EYA2: variants seen among roughly 807,000 people sequenced by gnomAD.
EYA2 encodes EYA transcriptional coactivator and phosphatase 2.
In EYA2, 31 loss-of-function variants were observed where a neutral mutation model predicts 69.2. The observed-to-expected ratio is 0.45, with a 90% CI of 0.34 to 0.60. EYA2 has a LOEUF of 0.60. Ranked by LOEUF, EYA2 falls within the 20% of genes least tolerant of loss-of-function variation. EYA2 has a pLI of 0.02. For synonymous variants in EYA2, 257 were observed against 279.4 expected (o/e 0.92, Z 0.80); for missense variants, 622 against 701.2 (o/e 0.89, Z 1.28).
At chr20:47,184,853 C>G (rs1261320340) in intron 15 of EYA2, among the ~76,000 whole-genome samples, 1 of 152,182 alleles carries the variant, frequency 6.6e-6, no homozygotes, top group Non-Finnish European at 1.5e-5. Flanking sequence ...TTACGAGTTT[C>G]AAACACGGTT....
intron 9 of EYA2, among the ~76,000 whole-genome samples, chr20:47,108,699 G>A (rs2146536695): frequency 6.6e-6 from 1 of 152,130 alleles, no homozygotes; most frequent in Admixed American, 6.5e-5. Context: ...AGCCTCCCAA[G>A]TAGCTGAGAC....
intron 5 of EYA2, among the ~76,000 whole-genome samples, chr20:47,069,574 T>C (rs1244138646): frequency 6.6e-6 from 1 of 152,076 alleles, no homozygotes; most frequent in Non-Finnish European, 1.5e-5. Context: ...CAGAATAAAG[T>C]CCAGAAATAA....
rs1029781132 is a variant in EYA2, at chr20:47,108,242, G to T, written c.888+11074G>T. 2.0e-5 allele frequency among the ~76,000 whole-genome samples: 3 copies of T among 152,322 alleles called. No homozygotes were observed. In the East Asian group the frequency reaches 5.8e-4, roughly 29 times the overall value. On this transcript the variant is annotated intron_variant, in intron 9 of 15. Coordinates refer to ENST00000327619, the MANE Select transcript of EYA2 (RefSeq NM_005244.5). ...GAGGTGGATCCCTCATTAATGGCTT[G>T]GTGCCATTCTTGCAGGAGTGAGTGA...
chr20:46,976,630 C>G (rs1980482913), intron 1 of EYA2, among the ~76,000 whole-genome samples: 1 of 152,168 alleles, frequency 6.6e-6, no homozygotes. Context: ...CGTGATCCAC[C>G]CACCGTGGCC....
intron 1 of EYA2, among the ~76,000 whole-genome samples, chr20:46,958,538 A>G (rs1979277427): frequency 6.6e-6 from 1 of 152,230 alleles, no homozygotes; most frequent in Admixed American, 6.5e-5. Flanking sequence ...CAACTTGTCC[A>G]TGAGGAACCC....
intron 2 of EYA2, among the ~76,000 whole-genome samples, chr20:46,991,723 A>G (rs182462954): frequency 1.8e-4 from 28 of 152,224 alleles, no homozygotes; most frequent in Admixed American, 7.8e-4. Flanking sequence ...TAATCCCAGC[A>G]CTTTGGGAGG....
intron 7 of EYA2, among the ~76,000 whole-genome samples, chr20:47,088,681 G>A (rs1338487809): frequency 6.6e-6 from 1 of 152,098 alleles, no homozygotes; most frequent in Non-Finnish European, 1.5e-5. Context: ...TCTAACTCCT[G>A]GGCTCAAGCG....
At chr20:47,002,078 T>G (rs370001567) in intron 3 of EYA2, among the ~76,000 whole-genome samples, 31 of 151,836 alleles carry the variant, frequency 2.0e-4, no homozygotes, top group African/African-American at 5.1e-4. Flanking sequence ...ACAGGCTCCC[T>G]TCTTTCTATC....
intron 2 of EYA2, among the ~76,000 whole-genome samples, chr20:46,999,556 G>A (rs939923577): frequency 6.6e-6 from 1 of 152,206 alleles, no homozygotes; most frequent in Admixed American, 6.5e-5. Context: ...CAACAAAAGG[G>A]TTACACAATT....
At chr20:47,090,149 G>T (rs1369841747) in intron 8 of EYA2, among the ~76,000 whole-genome samples, 1 of 151,878 alleles carries the variant, frequency 6.6e-6, no homozygotes, top group African/African-American at 2.4e-5. Flanking sequence ...GTAGAAGCTA[G>T]GCATCAGTGT....
chr20:47,032,507 G>GT (rs953800617), intron 5 of EYA2, among the ~76,000 whole-genome samples: 3 of 151,900 alleles, frequency 2.0e-5, no homozygotes, highest in East Asian at 3.9e-4. Flanking sequence ...AGAAAATCCT[G>GT]TTTTTTTAAA....
Position 47,136,358 on chromosome 20 carries a change from T to C in EYA2, c.889-6701T>C, listed in dbSNP as rs144072005. 9.7e-3 allele frequency among the ~76,000 whole-genome samples: 1,472 copies of C among 152,280 alleles called. 12 individuals are homozygous for C. Among genetic ancestry groups the C allele is most frequent in the Non-Finnish European group, 0.013 (884 of 68,016 alleles). The stretch of plus-strand genomic sequence containing the variant: ...TTTTAAGAAAGATTTTTGTATACTC[T>C]TATCCTCTCCCTTTCATCCAAGAAA... On this transcript the variant is annotated intron_variant, in intron 9 of 15. Coordinates refer to ENST00000327619, the MANE Select transcript of EYA2 (RefSeq NM_005244.5).
intron 1 of EYA2, among the ~76,000 whole-genome samples, chr20:46,918,518 A>C (rs1480788875): frequency 2.0e-5 from 3 of 152,064 alleles, no homozygotes; most frequent in African/African-American, 7.2e-5. Flanking sequence ...GGTTACCCAG[A>C]GTGGTCTCGA....
intron 5 of EYA2, among the ~76,000 whole-genome samples, chr20:47,022,717 G>A (rs1319612795): frequency 5.0e-5 from 7 of 141,062 alleles, no homozygotes; most frequent in East Asian, 4.1e-4. Context: ...GCAGTGGTGC[G>A]ATGACAGCTC....
chr20:47,159,974 G>C (rs1469312618), intron 10 of EYA2, among the ~76,000 whole-genome samples: 1 of 150,706 alleles, frequency 6.6e-6, no homozygotes. Flanking sequence ...GTGAGGAGAG[G>C]GTAGGAGATG....
At chr20:46,986,854 C>A (rs1053795521) in intron 1 of EYA2, among the ~76,000 whole-genome samples, 1 of 152,164 alleles carries the variant, frequency 6.6e-6, no homozygotes, top group African/African-American at 2.4e-5. Context: ...ACCCAAACCT[C>A]TCCCACTAGC....
chr20:46,968,542 A>G (rs1979931219), intron 1 of EYA2, among the ~76,000 whole-genome samples: 1 of 152,124 alleles, frequency 6.6e-6, no homozygotes, highest in African/African-American at 2.4e-5. Context: ...TGGAAAGCTC[A>G]TTCCCCTCCC....
At position 47,074,252 on chromosome 20, in the gene EYA2, G is replaced by A; in HGVS notation, c.578G>A (p.Cys193Tyr). The A allele has an allele frequency of 5.0e-6, 8 of 1,614,052 alleles. No homozygotes were observed. The highest frequency in any genetic ancestry group is 6.8e-6 in the Non-Finnish European group (8 of 1,180,004). Residue 193 changes from cysteine (C) to tyrosine (Y), a missense_variant, in exon 7 of 16, where the codon TGC becomes TAC. Transcript: ENST00000327619. Reference protein sequence around the residue: ...NPPYVPASSICPSPLSTSTYV... With the variant: ...NPPYVPASSIYPSPLSTSTYV... ...CCCTACGTCCCGGCCAGCAGCATCT[G>A]CCCTTCGCCCCTCTCCACGTCCACC...
At chr20:47,171,092 A>T (rs1181500950) in intron 11 of EYA2, among the ~76,000 whole-genome samples, 1 of 152,226 alleles carries the variant, frequency 6.6e-6, no homozygotes, top group Non-Finnish European at 1.5e-5. Context: ...ACCCCAGATC[A>T]AGGTTAATTG....
Sources: gnomAD v4.1 joint callset for allele counts (sites outside exome capture counted in the v4.1 genomes callset) on GRCh38, gnomAD v4.1.1 for gene constraint, MANE v1.5 for transcripts, NCBI Gene and HGNC (gene_info 2026-07-23, HGNC 2026-07-21) for gene names.